CDH9: variants seen among roughly 807,000 people sequenced by gnomAD.
The protein encoded by CDH9 is cadherin 9.
CDH9 carries 28 observed loss-of-function variants against 70.9 expected under a neutral mutation model. The ratio of observed to expected loss-of-function variants is 0.40; its 90% CI spans 0.29 to 0.54. CDH9 has a LOEUF of 0.54. CDH9 is among the 20% of genes least tolerant of loss of function. The probability of loss-of-function intolerance (pLI) is 0.59; values close to 1 mark genes in which losing one functional copy is unlikely to be tolerated. For missense variants in CDH9, 874 were observed against 984.4 expected, an observed-to-expected ratio of 0.89 and a Z score of 1.50; for synonymous variants, 409 against 343.1, an observed-to-expected ratio of 1.19 and a Z score of -2.12.
chr5:26,998,886 T>A (rs1284794157), intron 1 of CDH9, among the ~76,000 whole-genome samples: 1 of 152,098 alleles, frequency 6.6e-6, no homozygotes, highest in East Asian at 1.9e-4. Context: ...AATCAGTCAA[T>A]ATCATTAATA....
intron 2 of CDH9, among the ~76,000 whole-genome samples, chr5:26,930,205 C>A (rs967184415): frequency 4.0e-5 from 6 of 151,896 alleles, no homozygotes; most frequent in Non-Finnish European, 8.8e-5. Context: ...ACTTCCCAAT[C>A]AAGTTTGTTT....
intron 3 of CDH9, among the ~76,000 whole-genome samples, chr5:26,912,154 G>T (rs1201470324): frequency 6.6e-6 from 1 of 151,890 alleles, no homozygotes; most frequent in Admixed American, 6.6e-5. Flanking sequence ...AAAATATCTT[G>T]TACTATCTGA....
At chr5:27,005,436 T>C (rs754878289) in intron 1 of CDH9, among the ~76,000 whole-genome samples, 71 of 151,970 alleles carry the variant, frequency 4.7e-4, no homozygotes, top group Non-Finnish European at 9.0e-4. Context: ...TCACTGATCA[T>C]TAGAAAAATA....
chr5:27,030,255 A>G (rs1430010541), intron 1 of CDH9, among the ~76,000 whole-genome samples: 4 of 151,852 alleles, frequency 2.6e-5, no homozygotes, highest in African/African-American at 9.7e-5. Context: ...GAGATGGGGG[A>G]GAGGAGAGGA....
At chr5:26,911,902 G>A (rs1403582087) in intron 3 of CDH9, among the ~76,000 whole-genome samples, 1 of 152,056 alleles carries the variant, frequency 6.6e-6, no homozygotes, top group South Asian at 2.1e-4. Context: ...ATATGATTGT[G>A]ACAGACAGAA....
intron 2 of CDH9, among the ~76,000 whole-genome samples, chr5:26,949,328 C>T (rs753881557): frequency 3.3e-5 from 5 of 151,868 alleles, no homozygotes; most frequent in South Asian, 4.2e-4. Context: ...GATTTGTGGG[C>T]GATTGATATA....
intron 1 of CDH9, among the ~76,000 whole-genome samples, chr5:26,999,616 A>G (rs930242005): frequency 1.6e-4 from 24 of 152,214 alleles, no homozygotes; most frequent in African/African-American, 5.8e-4. Flanking sequence ...GACAAAGGCA[A>G]TTCAATGTAG....
At chr5:26,922,545 G>A (rs1305116295) in intron 2 of CDH9, among the ~76,000 whole-genome samples, 1 of 151,954 alleles carries the variant, frequency 6.6e-6, no homozygotes, top group Non-Finnish European at 1.5e-5. Context: ...ACAAACAAAA[G>A]TCAGGGGACT....
chr5:26,977,495 A>G (rs892973771), intron 2 of CDH9, among the ~76,000 whole-genome samples: 2 of 149,348 alleles, frequency 1.3e-5, no homozygotes, highest in African/African-American at 5.1e-5. Context: ...GTATATATAT[A>G]TATATATATA....
At chr5:26,996,485 C>T (rs890611815) in intron 1 of CDH9, among the ~76,000 whole-genome samples, 1 of 151,778 alleles carries the variant, frequency 6.6e-6, no homozygotes, top group Non-Finnish European at 1.5e-5. Flanking sequence ...GTCTCTCATA[C>T]CAGTTGGGGA....
intron 3 of CDH9, among the ~76,000 whole-genome samples, chr5:26,910,715 A>G (rs895957945): frequency 6.6e-6 from 1 of 152,190 alleles, no homozygotes; most frequent in Non-Finnish European, 1.5e-5. Context: ...AAGAGACTGG[A>G]ATATTTTGAC....
chr5:27,032,669 T>C (rs1743329030), intron 1 of CDH9, among the ~76,000 whole-genome samples: 1 of 151,660 alleles, frequency 6.6e-6, no homozygotes, highest in South Asian at 2.1e-4. Context: ...AATATTTCTC[T>C]GTTTTATGAA....
At chr5:26,907,287 A>G (rs1206023192) in intron 3 of CDH9, among the ~76,000 whole-genome samples, 2 of 152,150 alleles carry the variant, frequency 1.3e-5, no homozygotes, top group Admixed American at 6.6e-5. Flanking sequence ...TGGTAAATAA[A>G]ATAAAAAAAT....
intron 2 of CDH9, among the ~76,000 whole-genome samples, chr5:26,977,505 A>ATATATGTATATATATATATATG (rs1742323965): frequency 2.0e-5 from 3 of 150,732 alleles, no homozygotes; most frequent in African/African-American, 7.4e-5. Context: ...ATATATATAT[A>ATATATGTATATATATATATATG]TATGGCACTA....
chr5:26,988,820 T>C (rs532878307), intron 1 of CDH9, among the ~76,000 whole-genome samples: 26 of 152,154 alleles, frequency 1.7e-4, no homozygotes, highest in Non-Finnish European at 3.1e-4. Flanking sequence ...TCATTTTTAG[T>C]AAACTGTTTT....
chr5:26,900,912 C>T (rs575130547), intron 7 of CDH9, among the ~76,000 whole-genome samples: 4 of 152,032 alleles, frequency 2.6e-5, no homozygotes, highest in African/African-American at 9.6e-5. Flanking sequence ...ACTTTTATTT[C>T]CATTTCAGTA....
intron 1 of CDH9, among the ~76,000 whole-genome samples, chr5:26,991,372 T>G (rs1193515541): frequency 2.0e-5 from 3 of 152,230 alleles, no homozygotes. Context: ...ATGCACAGGA[T>G]GCCTAACGTG....
intron 1 of CDH9, among the ~76,000 whole-genome samples, chr5:27,030,072 C>A (rs1743285456): frequency 1.3e-5 from 2 of 152,010 alleles, no homozygotes; most frequent in Non-Finnish European, 2.9e-5. Flanking sequence ...TTTTTCTTAA[C>A]AATTCTCCAA....
intron 7 of CDH9, among the ~76,000 whole-genome samples, chr5:26,901,038 T>C (rs1289507135): frequency 2.0e-5 from 3 of 152,044 alleles, no homozygotes; most frequent in South Asian, 2.1e-4. Context: ...GCTTTGGATA[T>C]GAACACGCTA....
Sources: gnomAD v4.1 joint callset for allele counts (sites outside exome capture counted in the v4.1 genomes callset) on GRCh38, gnomAD v4.1.1 for gene constraint, MANE v1.5 for transcripts, NCBI Gene and HGNC (gene_info 2026-07-23, HGNC 2026-07-21) for gene names.